WIPF2: variants seen among roughly 807,000 people sequenced by gnomAD.
The protein encoded by WIPF2 is WAS/WASL-interacting protein family member 2.
Under a neutral mutation model 38.8 loss-of-function variants are expected in WIPF2, and 23 were observed. That is an observed-to-expected ratio of 0.59 (90% CI 0.43 to 0.84). The LOEUF (loss-of-function observed/expected upper bound fraction) is 0.84, where lower values mean the gene tolerates loss of function less well. Among genes scored for constraint, WIPF2 ranks in the 40% least tolerant of loss-of-function variants. The probability of loss-of-function intolerance (pLI) is 0.00; values close to 1 mark genes in which losing one functional copy is unlikely to be tolerated. For missense variants in WIPF2, 574 were observed against 580.5 expected (o/e 0.99, Z 0.11); for synonymous variants, 210 against 223.2 (o/e 0.94, Z 0.53).
intron 4 of WIPF2, among the ~76,000 whole-genome samples, chr17:40,263,480 A>G (rs893916786): frequency 4.0e-5 from 6 of 149,930 alleles, no homozygotes; most frequent in African/African-American, 1.5e-4. Flanking sequence ...ACCCCTTATT[A>G]TACTTAATGT....
intron 1 of WIPF2, among the ~76,000 whole-genome samples, chr17:40,253,336 A>G (rs561149542): frequency 6.6e-6 from 1 of 152,274 alleles, no homozygotes; most frequent in South Asian, 2.1e-4. Context: ...TGCTGGGATT[A>G]CAGGCGTGAG....
chr17:40,239,642 A>G (rs1198615164), intron 1 of WIPF2, among the ~76,000 whole-genome samples: 2 of 150,386 alleles, frequency 1.3e-5, no homozygotes. Context: ...TATTTCCGTC[A>G]CTGCCCTTAG....
At position 40,280,652 on chromosome 17, in the gene WIPF2, GT is replaced by G. The variant is rs575495175; in HGVS notation, c.*2440del. 3.3e-3 allele frequency: 474 copies of G among 144,184 alleles called. 4 individuals carry two copies. Among genetic ancestry groups the G allele is most frequent in the South Asian group, 8.2e-3 (37 of 4,500 alleles). The allele number at this position is 144,184 out of a possible 1,614,324, so 8.9% of individuals were successfully genotyped here. A position where few individuals can be genotyped will look rare whatever the true frequency, so the allele number is the denominator to read the frequency against. ...GATGCCTTTTGTACGTTATCAAAGT[GT>G]TTTTTTTTTTTTCCTCCTTTACTCA... On this transcript the variant is annotated 3_prime_UTR_variant, in exon 8 of 8. Transcript: ENST00000323571.
chr17:40,270,882 T>TTGTGTGTG lies in WIPF2; in HGVS notation c.971-2896_971-2889dup, dbSNP rs373553389. On this transcript the variant is annotated intron_variant, in intron 5 of 7. Coordinates refer to ENST00000323571, the MANE Select transcript of WIPF2 (RefSeq NM_133264.5). ...CATTTATTGGGCTTATTGTGCCAGA[T>TTGTGTGTG]TGTGTGTGTGTGTGTGTGTATGTTA... is the stretch of plus-strand genomic sequence containing the variant. Among the ~76,000 whole-genome samples, 5 of 150,362 alleles carry TTGTGTGTG rather than the reference T, an allele frequency of 3.3e-5. No homozygotes were observed. In the Admixed American group the frequency reaches 3.3e-4, roughly 10 times the overall value.
chr17:40,243,813 G>A (rs944735101), intron 1 of WIPF2, among the ~76,000 whole-genome samples: 2 of 152,048 alleles, frequency 1.3e-5, no homozygotes, highest in South Asian at 2.1e-4. Context: ...GAGCCACCAC[G>A]CCCGGCCCGA....
chr17:40,267,158 T>G (rs919841492), intron 5 of WIPF2, among the ~76,000 whole-genome samples: 3 of 152,120 alleles, frequency 2.0e-5, no homozygotes, highest in Non-Finnish European at 4.4e-5. Context: ...GGCCATACAT[T>G]TCATGTGAGA....
intron 5 of WIPF2, among the ~76,000 whole-genome samples, chr17:40,272,213 T>C (rs546835720): frequency 6.6e-6 from 1 of 152,244 alleles, no homozygotes; most frequent in African/African-American, 2.4e-5. Context: ...GAGACTGGGT[T>C]TCTCCATGTT....
chr17:40,237,749 G>A (rs2031033460), intron 1 of WIPF2, among the ~76,000 whole-genome samples: 1 of 149,676 alleles, frequency 6.7e-6, no homozygotes, highest in Non-Finnish European at 1.5e-5. Flanking sequence ...GGGTTCGAAT[G>A]ATTTTCCTGC....
chr17:40,239,857 C>T (rs532522379), intron 1 of WIPF2, among the ~76,000 whole-genome samples: 17 of 150,936 alleles, frequency 1.1e-4, no homozygotes, highest in East Asian at 6.0e-4. Flanking sequence ...CCACCGTGCC[C>T]GGCTAATGTT....
At chr17:40,238,739 G>C (rs1006796693) in intron 1 of WIPF2, among the ~76,000 whole-genome samples, 1 of 150,560 alleles carries the variant, frequency 6.6e-6, no homozygotes, top group South Asian at 2.1e-4. Flanking sequence ...TCAGCCTCCC[G>C]AGTAGCTGGG....
At chr17:40,241,000 A>T (rs1299258519) in intron 1 of WIPF2, among the ~76,000 whole-genome samples, 1 of 152,082 alleles carries the variant, frequency 6.6e-6, no homozygotes, top group Non-Finnish European at 1.5e-5. Flanking sequence ...TTATGATGGA[A>T]CATTGATTAA....
chr17:40,268,751 T>C (rs1567723753), intron 5 of WIPF2, among the ~76,000 whole-genome samples: 1 of 152,044 alleles, frequency 6.6e-6, no homozygotes, highest in African/African-American at 2.4e-5. Flanking sequence ...TTCTTAAGAG[T>C]GATAAACCAG....
At chr17:40,256,114 AAAAAAGG>A in intron 1 of WIPF2, among the ~76,000 whole-genome samples, 1 of 151,212 alleles carries the variant, frequency 6.6e-6, no homozygotes. Flanking sequence ...AAAAAAAAAA[AAAAAAGG>A]ACACAAGGCC....
At chr17:40,273,752 C>T (rs1390171548) in intron 5 of WIPF2, 38 bp from the exon 6 acceptor site, 2 of 1,352,476 alleles carry the variant, frequency 1.5e-6, no homozygotes, top group Non-Finnish European at 1.1e-6. Context: ...CTTGCCGTCT[C>T]CACATCCAAA....
chr17:40,252,817 A>C (rs1287539697), intron 1 of WIPF2, among the ~76,000 whole-genome samples: 1 of 150,920 alleles, frequency 6.6e-6, no homozygotes, highest in Admixed American at 6.6e-5. Flanking sequence ...AGGCTGGAGT[A>C]CAATGGCGCG....
chr17:40,259,857 A>G (rs534325702), intron 2 of WIPF2, among the ~76,000 whole-genome samples: 5 of 152,326 alleles, frequency 3.3e-5, no homozygotes, highest in Non-Finnish European at 4.4e-5. Flanking sequence ...TGTGCTTACC[A>G]CAGTGCCTAA....
chr17:40,232,787 C>A (rs1194171767), intron 1 of WIPF2, among the ~76,000 whole-genome samples: 1 of 150,356 alleles, frequency 6.7e-6, no homozygotes, highest in Non-Finnish European at 1.5e-5. Context: ...TACAGGCATG[C>A]GCCACCATGC....
chr17:40,235,350 G>T (rs2030924685), intron 1 of WIPF2, among the ~76,000 whole-genome samples: 1 of 152,154 alleles, frequency 6.6e-6, no homozygotes, highest in African/African-American at 2.4e-5. Flanking sequence ...TATAATGACT[G>T]TATCATTCGA....
At chr17:40,223,253 C>T (rs1234375870) in intron 1 of WIPF2, among the ~76,000 whole-genome samples, 1 of 151,906 alleles carries the variant, frequency 6.6e-6, no homozygotes, top group East Asian at 1.9e-4. Flanking sequence ...AAGCAATTCT[C>T]CTGGCTCAGC....
Sources: gnomAD v4.1 joint callset for allele counts (sites outside exome capture counted in the v4.1 genomes callset) on GRCh38, gnomAD v4.1.1 for gene constraint, MANE v1.5 for transcripts, NCBI Gene and HGNC (gene_info 2026-07-23, HGNC 2026-07-21) for gene names.